Variants in DPYD observed in about 807,000 individuals in gnomAD.
The protein encoded by DPYD is dihydropyrimidine dehydrogenase.
Under a neutral mutation model 116.2 loss-of-function variants are expected in DPYD, and 109 were observed. The ratio of observed to expected loss-of-function variants is 0.94; its 90% CI spans 0.80 to 1.10. The LOEUF is 1.10. Among genes scored for constraint, DPYD ranks in the 50% least tolerant of loss-of-function variants. DPYD has a pLI of 0.00. For missense variants in DPYD, 1,302 were observed against 1,254.5 expected, an observed-to-expected ratio of 1.04 and a Z score of -0.57; for synonymous variants, 440 against 432.0, an observed-to-expected ratio of 1.02 and a Z score of -0.23.
intron 7 of DPYD, among the ~76,000 whole-genome samples, chr1:97,681,642 A>G (rs1660432974): frequency 6.6e-6 from 1 of 152,198 alleles, no homozygotes; most frequent in Non-Finnish European, 1.5e-5. Context: ...GTAGAATTCG[A>G]TGCTATTAAA....
intron 14 of DPYD, among the ~76,000 whole-genome samples, chr1:97,443,850 A>G (rs1480536048): frequency 2.0e-5 from 3 of 152,256 alleles, no homozygotes; most frequent in African/African-American, 7.2e-5. Flanking sequence ...ACTTTTGCAG[A>G]GGTAGTCTTC....
At chr1:97,329,556 G>A (rs1388459010) in intron 16 of DPYD, among the ~76,000 whole-genome samples, 1 of 151,562 alleles carries the variant, frequency 6.6e-6, no homozygotes, top group Non-Finnish European at 1.5e-5. Flanking sequence ...AGACCAGCCT[G>A]GCCAACATGG....
At chr1:97,519,390 C>T (rs1369844346) in intron 12 of DPYD, among the ~76,000 whole-genome samples, 1 of 152,126 alleles carries the variant, frequency 6.6e-6, no homozygotes, top group East Asian at 1.9e-4. Context: ...GAGAACAGCA[C>T]AGGAAAGACC....
At chr1:97,399,360 T>TA (rs1229534632) in intron 14 of DPYD, among the ~76,000 whole-genome samples, 1 of 152,192 alleles carries the variant, frequency 6.6e-6, no homozygotes, top group Non-Finnish European at 1.5e-5. Flanking sequence ...CCTAGTAGTA[T>TA]AGTTTGAAGT....
chr1:97,249,382 A>C (rs1662930138), intron 18 of DPYD, among the ~76,000 whole-genome samples: 1 of 151,896 alleles, frequency 6.6e-6, no homozygotes, highest in Non-Finnish European at 1.5e-5. Context: ...TTTAAGAGGA[A>C]GGGGGGAGAA....
At chr1:97,730,748 G>T (rs1663547525) in intron 4 of DPYD, among the ~76,000 whole-genome samples, 1 of 151,758 alleles carries the variant, frequency 6.6e-6, no homozygotes, top group Admixed American at 6.6e-5. Flanking sequence ...AAGAGAGAAA[G>T]AAAAAGATGA....
chr1:97,704,534 A>G (rs1184467877), intron 5 of DPYD, among the ~76,000 whole-genome samples: 3 of 152,022 alleles, frequency 2.0e-5, no homozygotes, highest in Non-Finnish European at 2.9e-5. Context: ...ATATTTTTCA[A>G]AAATAATATT....
At chr1:97,674,769 A>G (rs565952742) in intron 8 of DPYD, among the ~76,000 whole-genome samples, 76 of 152,196 alleles carry the variant, frequency 5.0e-4, no homozygotes, top group African/African-American at 1.6e-3. Context: ...GATATTTCTG[A>G]CTCAATTTAA....
chr1:97,539,993 T>C (rs543665989), intron 12 of DPYD, among the ~76,000 whole-genome samples: 4 of 152,176 alleles, frequency 2.6e-5, no homozygotes, highest in Non-Finnish European at 5.9e-5. Context: ...ACAAACTCAG[T>C]TTCTCCACTA....
chr1:97,570,877 A>G (rs1652843750), intron 11 of DPYD, among the ~76,000 whole-genome samples: 1 of 151,942 alleles, frequency 6.6e-6, no homozygotes, highest in Non-Finnish European at 1.5e-5. Context: ...ATAATTTGGC[A>G]CCTGGCATTC....
chr1:97,188,190 T>C (rs901659224), intron 20 of DPYD, among the ~76,000 whole-genome samples: 1 of 152,220 alleles, frequency 6.6e-6, no homozygotes, highest in African/African-American at 2.4e-5. Context: ...ACAACCACCA[T>C]GACAGAATTT....
intron 5 of DPYD, chr1:97,700,442 C>A (rs1661534089): frequency 2.8e-6 from 1 of 358,514 alleles, no homozygotes; most frequent in Admixed American, 3.8e-5. Flanking sequence ...CCCTAGTACA[C>A]ACCTCAGTGT....
At chr1:97,577,639 C>T (rs946131115) in intron 10 of DPYD, among the ~76,000 whole-genome samples, 1 of 152,056 alleles carries the variant, frequency 6.6e-6, no homozygotes, top group Non-Finnish European at 1.5e-5. Context: ...TTATTTCCAT[C>T]TTGAGCCTGT....
intron 2 of DPYD, among the ~76,000 whole-genome samples, chr1:97,830,358 T>G (rs1669477041): frequency 1.3e-5 from 2 of 152,130 alleles, no homozygotes; most frequent in Admixed American, 6.5e-5. Flanking sequence ...GTTGGAAGAT[T>G]ACTTGACTAT....
chr1:97,629,373 G>C (rs1412392162), intron 8 of DPYD, among the ~76,000 whole-genome samples: 1 of 151,996 alleles, frequency 6.6e-6, no homozygotes, highest in Non-Finnish European at 1.5e-5. Flanking sequence ...AAAAAGTCAT[G>C]CTAAAAATTC....
intron 8 of DPYD, among the ~76,000 whole-genome samples, chr1:97,637,323 C>T (rs1657624919): frequency 6.6e-6 from 1 of 152,124 alleles, no homozygotes; most frequent in African/African-American, 2.4e-5. Flanking sequence ...TTCCCCCACT[C>T]CCCTACTAAG....
intron 14 of DPYD, among the ~76,000 whole-genome samples, chr1:97,405,737 AAACTCTTGACCT>A (rs1673620256): frequency 6.6e-6 from 1 of 152,080 alleles, no homozygotes; most frequent in Non-Finnish European, 1.5e-5. Flanking sequence ...CTGGTCTCTT[AAACTCTTGACCT>A]CAAGTGATCC....
chr1:97,142,137 C>A (rs1203987848), intron 20 of DPYD, among the ~76,000 whole-genome samples: 1 of 151,950 alleles, frequency 6.6e-6, no homozygotes, highest in Non-Finnish European at 1.5e-5. Flanking sequence ...AAATGTAAAC[C>A]CTAGTAAAAA....
intron 11 of DPYD, among the ~76,000 whole-genome samples, chr1:97,569,631 GGA>G (rs981065164): frequency 6.6e-6 from 1 of 151,716 alleles, no homozygotes; most frequent in Non-Finnish European, 1.5e-5. Context: ...GACGTGATAT[GGA>G]GTCGTACATT....
Sources: allele counts gnomAD v4.1 joint callset (sites outside exome capture counted in the v4.1 genomes callset), GRCh38; gene constraint gnomAD v4.1.1; transcripts MANE v1.5; gene names NCBI Gene and HGNC (gene_info 2026-07-23, HGNC 2026-07-21).